Variants in AKAP13 observed in about 807,000 individuals in gnomAD.
The protein encoded by AKAP13 is A-kinase anchoring protein 13.
In AKAP13, 80 loss-of-function variants were observed where a neutral mutation model predicts 264.5. The ratio of observed to expected loss-of-function variants is 0.30; its 90% CI spans 0.25 to 0.36. AKAP13 has a LOEUF of 0.36. Among genes scored for constraint, AKAP13 ranks in the 10% least tolerant of loss-of-function variants. The pLI, the probability that AKAP13 is intolerant of heterozygous loss-of-function variation, is 1.00. For missense variants in AKAP13, 3,712 were observed against 3,435.2 expected (o/e 1.08, Z -2.01); for synonymous variants, 1,380 against 1,250.2 (o/e 1.10, Z -2.19).
At chr15:85,739,434 T>C (rs1016034173) in intron 33 of AKAP13, among the ~76,000 whole-genome samples, 1 of 152,248 alleles carries the variant, frequency 6.6e-6, no homozygotes, top group Non-Finnish European at 1.5e-5. Context: ...AATTGCTGGT[T>C]TGTGTTCCTG....
chr15:85,466,177 T>C (rs1291483119), intron 1 of AKAP13, among the ~76,000 whole-genome samples: 2 of 150,210 alleles, frequency 1.3e-5, no homozygotes, highest in African/African-American at 4.9e-5. Context: ...GTTCATGTCC[T>C]TTGCCCACTT....
At chr15:85,425,373 A>G (rs2072726755) in intron 1 of AKAP13, among the ~76,000 whole-genome samples, 1 of 152,170 alleles carries the variant, frequency 6.6e-6, no homozygotes, top group Admixed American at 6.5e-5. Context: ...CTTGGAAAAC[A>G]GTTTTGGGAA....
At chr15:85,381,104 C>T (rs1446314485) in intron 1 of AKAP13, among the ~76,000 whole-genome samples, 1 of 152,076 alleles carries the variant, frequency 6.6e-6, no homozygotes, top group Admixed American at 6.5e-5. Flanking sequence ...GGGGCGCGCC[C>T]GGCCGCCGAT....
chr15:85,730,997 C>CTTTTT lies in AKAP13; in HGVS notation c.7282+310_7282+314dup, dbSNP rs71468134. On this transcript the variant is annotated intron_variant, in intron 30 of 36. Transcript: ENST00000394518. Reference sequence around the variant, plus strand: ...ACTGTTTTTTAATTAGTCACTTATGCTTTTTTTTTTTTTTTTTTTTTTTTG... The same window carrying CTTTTT: ...ACTGTTTTTTAATTAGTCACTTATGCTTTTTTTTTTTTTTTTTTTTTTTTTTTTTG... 4.1e-3 allele frequency among the ~76,000 whole-genome samples: 235 copies of CTTTTT among 57,418 alleles called. 1 individual carries two copies. The highest frequency in any genetic ancestry group is 4.2e-3 in the Non-Finnish European group (143 of 34,018). 37.7% of individuals were successfully genotyped at this position (57,418 alleles called of 152,430 possible). A position where few individuals can be genotyped will look rare whatever the true frequency, so the allele number is the denominator to read the frequency against.
At chr15:85,510,344 G>A (rs1393363578) in intron 2 of AKAP13, among the ~76,000 whole-genome samples, 1 of 152,042 alleles carries the variant, frequency 6.6e-6, no homozygotes, top group Non-Finnish European at 1.5e-5. Flanking sequence ...TCATCTCCCT[G>A]TACCTAGAGA....
At chr15:85,720,776 T>C (rs984540123) in intron 23 of AKAP13, among the ~76,000 whole-genome samples, 1 of 152,238 alleles carries the variant, frequency 6.6e-6, no homozygotes, top group Non-Finnish European at 1.5e-5. Flanking sequence ...ACTTCATTAA[T>C]TTATTAGCAC....
intron 4 of AKAP13, among the ~76,000 whole-genome samples, chr15:85,538,616 A>G (rs957433589): frequency 2.0e-5 from 3 of 149,350 alleles, no homozygotes; most frequent in Non-Finnish European, 4.4e-5. Context: ...CAGCCTCCCG[A>G]GTAGCCGGGA....
intron 2 of AKAP13, among the ~76,000 whole-genome samples, chr15:85,503,869 G>A (rs760786412): frequency 7.9e-5 from 12 of 152,194 alleles, no homozygotes; most frequent in South Asian, 6.2e-4. Context: ...AATTCTCAGG[G>A]GCTTGGTATA....
chr15:85,530,202 T>A (rs1406622460), intron 3 of AKAP13, among the ~76,000 whole-genome samples: 1 of 152,174 alleles, frequency 6.6e-6, no homozygotes, highest in Non-Finnish European at 1.5e-5. Flanking sequence ...CGTTGTTCTG[T>A]TTCTCTCCCT....
rs2089443558 is a variant in AKAP13, at chr15:85,748,858, T to G, written c.*4181T>G. On this transcript the variant is annotated 3_prime_UTR_variant, in exon 37 of 37. Coordinates refer to ENST00000394518, the MANE Select transcript of AKAP13 (RefSeq NM_007200.5). Reference sequence around the variant, plus strand: ...CTGTGCTGCAGTCCGGAGGGGCTTCTGCAGGAAGCACTCACCCCCCACACC... The same window carrying G: ...CTGTGCTGCAGTCCGGAGGGGCTTCGGCAGGAAGCACTCACCCCCCACACC... 6.6e-6 allele frequency: 1 copy of G among 152,382 alleles called. No individual in the cohort carries two copies. The highest frequency in any genetic ancestry group is 1.5e-5 in the Non-Finnish European group (1 of 68,154). The allele number at this position is 152,382 out of a possible 1,614,324, so 9.4% of individuals were successfully genotyped here. A position where few individuals can be genotyped will look rare whatever the true frequency, so the allele number is the denominator to read the frequency against.
chr15:85,647,169 C>T (rs144685086), intron 10 of AKAP13, among the ~76,000 whole-genome samples: 39 of 152,104 alleles, frequency 2.6e-4, no homozygotes, highest in African/African-American at 8.4e-4. Context: ...GAGGCCAAGG[C>T]GGGTAGATCA....
chr15:85,735,556 T>G lies in AKAP13; in HGVS notation c.7442-4T>G. 1 of 1,606,528 alleles carries G rather than the reference T, an allele frequency of 6.2e-7. No homozygotes were observed. The highest frequency in any genetic ancestry group is 1.1e-5 in the South Asian group (1 of 88,200). The stretch of plus-strand genomic sequence containing the variant: ...AAAAAAAAACAACCCTATTTTTTGT[T>G]TAGGAGGCGAGAAGGAAGAGGGAGA... On this transcript the variant is annotated splice_polypyrimidine_tract_variant and splice_region_variant and intron_variant, in intron 31 of 36. Coordinates refer to ENST00000394518, the MANE Select transcript of AKAP13 (RefSeq NM_007200.5).
At chr15:85,740,775 A>ACCCCCCCCCCCCCCCC (rs34080252) in intron 34 of AKAP13, among the ~76,000 whole-genome samples, 8 of 67,408 alleles carry the variant, frequency 1.2e-4, no homozygotes, top group African/African-American at 1.4e-4. Flanking sequence ...ACACACAACC[A>ACCCCCCCCCCCCCCCC]CCCCCCCCCC....
Position 85,722,250 on chromosome 15 carries a change from T to G in AKAP13, c.6399T>G (p.Val2133=), listed in dbSNP as rs778236431. The change falls in exon 25 of 37, where the codon GTT becomes GTG. Residue 2133 remains valine (V), a synonymous_variant. Coordinates refer to ENST00000394518, the MANE Select transcript of AKAP13 (RefSeq NM_007200.5). ...AFVKKKMSSS[V]VRRLGIPECI... is the part of the protein sequence containing the mutation. The stretch of plus-strand genomic sequence containing the variant: ...TGCAGAAGAAGATGAGCAGTTCAGT[T>G]GTTAGAAGGCTTGGAATTCCAGAGT... The G allele has an allele frequency of 1.5e-5, 24 of 1,613,694 alleles. 1 individual carries two copies. Among genetic ancestry groups the G allele is most frequent in the Non-Finnish European group, 8.5e-7 (1 of 1,179,806 alleles).
At chr15:85,547,443 A>T (rs1007306888) in intron 5 of AKAP13, among the ~76,000 whole-genome samples, 1 of 148,736 alleles carries the variant, frequency 6.7e-6, no homozygotes, top group East Asian at 1.9e-4. Context: ...GAAAATTATG[A>T]TTAGCCATTC....
At chr15:85,426,040 T>A (rs1037078325) in intron 1 of AKAP13, among the ~76,000 whole-genome samples, 24 of 152,252 alleles carry the variant, frequency 1.6e-4, no homozygotes, top group African/African-American at 5.1e-4. Flanking sequence ...CCAAAAATAC[T>A]TGAGCAATGG....
chr15:85,392,085 A>G (rs932367010), intron 1 of AKAP13, among the ~76,000 whole-genome samples: 7 of 150,416 alleles, frequency 4.7e-5, no homozygotes, highest in African/African-American at 1.7e-4. Context: ...GCCCGGCTCT[A>G]TTCTTATTCT....
At chr15:85,589,734 T>C (rs1318014191) in intron 8 of AKAP13, among the ~76,000 whole-genome samples, 1 of 138,964 alleles carries the variant, frequency 7.2e-6, no homozygotes, top group Non-Finnish European at 1.5e-5. Context: ...AAAAGCCTAC[T>C]CTTAATTTTT....
At chr15:85,399,509 AAAAAAAAAAAAAATAAAAAAAT>A (rs2071292609) in intron 1 of AKAP13, among the ~76,000 whole-genome samples, 1 of 63,324 alleles carries the variant, frequency 1.6e-5, no homozygotes, top group East Asian at 2.2e-4. Context: ...TCTCAAAAAA[AAAAAAAAAAAAAATAAAAAAAT>A]AAAAAAATAA....
Sources: allele counts gnomAD v4.1 joint callset (sites outside exome capture counted in the v4.1 genomes callset), GRCh38; gene constraint gnomAD v4.1.1; transcripts MANE v1.5; gene names NCBI Gene and HGNC (gene_info 2026-07-23, HGNC 2026-07-21).